Variants in USP15 observed in about 807,000 individuals in gnomAD.
The protein encoded by USP15 is ubiquitin specific peptidase 15, also known as ubiquitin carboxyl-terminal hydrolase 15.
Under a neutral mutation model 127.1 loss-of-function variants are expected in USP15, and 18 were observed. The observed-to-expected ratio is 0.14, with a 90% confidence interval of 0.10 to 0.21. USP15 has a LOEUF of 0.21. Ranked by LOEUF, USP15 falls within the 10% of genes least tolerant of loss-of-function variation. USP15 has a pLI of 1.00. For missense variants in USP15, 805 were observed against 1,159.9 expected (o/e 0.69, Z 4.44); for synonymous variants, 364 against 393.7 (o/e 0.92, Z 0.89).
At chr12:62,346,865 C>G (rs989807341) in intron 6 of USP15, among the ~76,000 whole-genome samples, 4 of 152,108 alleles carry the variant, frequency 2.6e-5, no homozygotes, top group Non-Finnish European at 5.9e-5. Context: ...ACTGGTAATT[C>G]CCTGAACACA....
intron 5 of USP15, 92 bp downstream of exon 5, chr12:62,321,701 A>C: frequency 9.3e-7 from 1 of 1,080,802 alleles, no homozygotes; most frequent in Non-Finnish European, 1.2e-6. Flanking sequence ...AATGGGCTGT[A>C]CTGTTTCTGG....
chr12:62,305,092 C>T (rs2064441412), intron 3 of USP15, among the ~76,000 whole-genome samples: 1 of 151,996 alleles, frequency 6.6e-6, no homozygotes, highest in Non-Finnish European at 1.5e-5. Flanking sequence ...GTAAGTTTAA[C>T]ATGCATACAT....
At chr12:62,329,279 G>A (rs913349022) in intron 6 of USP15, among the ~76,000 whole-genome samples, 7 of 152,178 alleles carry the variant, frequency 4.6e-5, no homozygotes, top group South Asian at 2.1e-4. Flanking sequence ...GCTGAGGCAG[G>A]AGAATCACTT....
At chr12:62,345,501 G>C (rs1292247838) in intron 6 of USP15, among the ~76,000 whole-genome samples, 4 of 152,096 alleles carry the variant, frequency 2.6e-5, no homozygotes, top group Non-Finnish European at 4.4e-5. Flanking sequence ...AAGTCTCCAG[G>C]AAGTTCCAAA....
intron 19 of USP15, among the ~76,000 whole-genome samples, chr12:62,394,243 G>A (rs1197361978): frequency 2.0e-5 from 3 of 152,102 alleles, no homozygotes. Flanking sequence ...CAAGTACTTG[G>A]TACTATCCCA....
chr12:62,267,863 G>A (rs987045784), intron 1 of USP15, among the ~76,000 whole-genome samples: 21 of 152,110 alleles, frequency 1.4e-4, no homozygotes, highest in African/African-American at 5.1e-4. Context: ...GAAAACACCT[G>A]GTAATCTGGA....
chr12:62,352,600 A>G (rs892747383), intron 7 of USP15, among the ~76,000 whole-genome samples: 17 of 151,948 alleles, frequency 1.1e-4, no homozygotes, highest in Non-Finnish European at 2.1e-4. Flanking sequence ...TGAAATGAAA[A>G]TGACTCCCTG....
intron 8 of USP15, among the ~76,000 whole-genome samples, chr12:62,373,181 A>G (rs1481031055): frequency 6.6e-6 from 1 of 152,052 alleles, no homozygotes; most frequent in Non-Finnish European, 1.5e-5. Flanking sequence ...GTCTTCACAT[A>G]ATCATGGCTT....
intron 1 of USP15, among the ~76,000 whole-genome samples, chr12:62,262,178 C>T (rs1169854625): frequency 6.6e-6 from 1 of 151,900 alleles, no homozygotes; most frequent in African/African-American, 2.4e-5. Context: ...GCGGAGGTTG[C>T]AGTGAGCCGA....
At chr12:62,287,099 T>C (rs930071245) in intron 1 of USP15, among the ~76,000 whole-genome samples, 10 of 152,094 alleles carry the variant, frequency 6.6e-5, no homozygotes, top group Non-Finnish European at 1.2e-4. Flanking sequence ...TTCTCACTTA[T>C]AAGTAGGAGC....
intron 1 of USP15, among the ~76,000 whole-genome samples, 187 bp from the exon 2 acceptor site, chr12:62,293,992 C>T (rs572383328): frequency 9.7e-4 from 147 of 152,040 alleles, no homozygotes; most frequent in Middle Eastern, 6.8e-3. Flanking sequence ...ATTTATAGAA[C>T]AATAGGAATA....
At chr12:62,401,483 A>G (rs1191752449) in intron 21 of USP15, among the ~76,000 whole-genome samples, 1 of 152,052 alleles carries the variant, frequency 6.6e-6, no homozygotes, top group African/African-American at 2.4e-5. Flanking sequence ...AAAAGCATAA[A>G]TTGCAAGGTG....
At chr12:62,313,795 A>G (rs1039641111) in intron 3 of USP15, among the ~76,000 whole-genome samples, 1 of 151,788 alleles carries the variant, frequency 6.6e-6, no homozygotes, top group Non-Finnish European at 1.5e-5. Flanking sequence ...ACAAAGTATC[A>G]TAAAAATGTG....
intron 6 of USP15, among the ~76,000 whole-genome samples, chr12:62,344,128 G>A (rs561303619): frequency 2.0e-4 from 31 of 152,212 alleles, no homozygotes; most frequent in African/African-American, 6.5e-4. Context: ...ACTCATTTCA[G>A]CATTAACTCA....
chr12:62,337,928 C>T (rs1378427000), intron 6 of USP15, among the ~76,000 whole-genome samples: 1 of 152,098 alleles, frequency 6.6e-6, no homozygotes, highest in East Asian at 1.9e-4. Context: ...GTAAATAGTG[C>T]TGCAATAAAC....
chr12:62,401,942 A>G (rs762055150), intron 21 of USP15, among the ~76,000 whole-genome samples: 116 of 149,144 alleles, frequency 7.8e-4, no homozygotes, highest in Middle Eastern at 3.5e-3. Flanking sequence ...ATATACTGTT[A>G]TTTCTCTCCC....
intron 2 of USP15, among the ~76,000 whole-genome samples, chr12:62,299,764 A>G (rs1329516272): frequency 6.6e-6 from 1 of 152,196 alleles, no homozygotes; most frequent in African/African-American, 2.4e-5. Flanking sequence ...AAGTCATTGC[A>G]TCCTTTTACA....
chr12:62,370,001 A>G (rs529275210), intron 8 of USP15, among the ~76,000 whole-genome samples: 2 of 152,206 alleles, frequency 1.3e-5, no homozygotes, highest in Non-Finnish European at 2.9e-5. Context: ...TTTGAGACGG[A>G]GTCTCGCTGT....
rs779524822 is a variant in USP15 at position 62,396,332 on chromosome 12, G to T, written c.2608G>T (p.Ala870Ser). 1.3e-6 allele frequency: 2 copies of T among 1,595,716 alleles called. No individual in the cohort carries two copies. The highest frequency in any genetic ancestry group is 1.7e-6 in the Non-Finnish European group (2 of 1,174,320). Residue 870 changes from alanine to serine, a missense_variant, in exon 20 of 22, where the codon GCA becomes TCA. Ala to Ser is a moderately conservative substitution (Grantham distance 99). Transcript: ENST00000280377. Reference sequence around the variant, plus strand: ...GTCGGAATTCTTAATTAATCCAAATGCAGGTCCTTGCCGCTATAATCTGAT... The same window carrying T: ...GTCGGAATTCTTAATTAATCCAAATTCAGGTCCTTGCCGCTATAATCTGAT... Reference protein sequence around the residue: ...DMSEFLINPNAGPCRYNLIAV... With the variant: ...DMSEFLINPNSGPCRYNLIAV...
Sources: gnomAD v4.1 joint callset for allele counts (sites outside exome capture counted in the v4.1 genomes callset) on GRCh38, gnomAD v4.1.1 for gene constraint, MANE v1.5 for transcripts, NCBI Gene and HGNC (gene_info 2026-07-23, HGNC 2026-07-21) for gene names.